RPN2: variants seen among roughly 807,000 people sequenced by gnomAD.
The protein encoded by RPN2 is ribophorin II, also known as dolichyl-diphosphooligosaccharide--protein glycosyltransferase subunit 2.
Under a neutral mutation model 71.4 loss-of-function variants are expected in RPN2, and 29 were observed. That is an observed-to-expected ratio of 0.41 (90% CI 0.30 to 0.55). RPN2 has a LOEUF of 0.55. Ranked by LOEUF, RPN2 falls within the 20% of genes least tolerant of loss-of-function variation. RPN2 has a pLI of 0.35. For synonymous variants in RPN2, 308 were observed against 305.0 expected (o/e 1.01, Z -0.10); for missense variants, 726 against 774.1 (o/e 0.94, Z 0.74).
At chr20:37,236,313 GA>G (rs2068389958) in intron 15 of RPN2, among the ~76,000 whole-genome samples, 1 of 151,894 alleles carries the variant, frequency 6.6e-6, no homozygotes, top group African/African-American at 2.4e-5. Flanking sequence ...GGGTGGTCTC[GA>G]ACTCCTGAGC....
chr20:37,212,285 A>G, intron 8 of RPN2, among the ~76,000 whole-genome samples: 1 of 152,000 alleles, frequency 6.6e-6, no homozygotes, highest in Non-Finnish European at 1.5e-5. Context: ...TCTCAAAAAC[A>G]AAAACAAAAA....
chr20:37,233,911 A>G, intron 14 of RPN2, 109 bp from the exon 15 acceptor site: 1 of 1,201,522 alleles, frequency 8.3e-7, no homozygotes, highest in South Asian at 1.3e-5. Flanking sequence ...TCTAGGATGC[A>G]TGAACTTTGA....
At position 37,230,723 on chromosome 20, in the gene RPN2, T is replaced by C. The variant is rs558207354; in HGVS notation, c.1581+664T>C. The stretch of plus-strand genomic sequence containing the variant: ...GTTGAAGTGTCAAAAACAGACTACC[T>C]GCTGTCATTCCACTTTAAAAAACAA... On this transcript the variant is annotated intron_variant, in intron 13 of 16. Transcript: ENST00000237530. Among the ~76,000 whole-genome samples, 7 of 152,286 alleles carry C rather than the reference T, an allele frequency of 4.6e-5. No homozygotes were observed. In the South Asian group the frequency reaches 1.5e-3, roughly 32 times the overall value.
intron 1 of RPN2, among the ~76,000 whole-genome samples, chr20:37,181,936 C>T (rs572222091): frequency 6.6e-6 from 1 of 151,966 alleles, no homozygotes; most frequent in Non-Finnish European, 1.5e-5. Flanking sequence ...TGTCTTTTGT[C>T]ACTAGAATAG....
At chr20:37,217,828 G>T (rs900293763) in intron 9 of RPN2, among the ~76,000 whole-genome samples, 2 of 151,068 alleles carry the variant, frequency 1.3e-5, no homozygotes, top group African/African-American at 4.9e-5. Context: ...CCACCTCCCG[G>T]GTTCAAGTGA....
chr20:37,236,706 A>G lies in RPN2; in HGVS notation c.1880A>G (p.Lys627Arg). 1 of 1,614,120 alleles carries G rather than the reference A, an allele frequency of 6.2e-7. No individual in the cohort carries two copies. The highest frequency in any genetic ancestry group is 1.1e-5 in the South Asian group (1 of 91,088). The change falls in exon 16 of 17, where the codon AAG becomes AGG. Residue 627 changes from lysine (K) to arginine (R), a missense_variant. Physicochemically the swap from Lys to Arg is conservative, Grantham distance 26. Transcript: ENST00000237530. ...CGGATGCTGGCCCAGCAGGCAGTCA[A>G]GAGGTAAGGCCAGACATGAGCCAGG... ...GNRMLAQQAV[K>R]RTAH
intron 9 of RPN2, 23 bp downstream of exon 9, chr20:37,213,888 C>T (rs762443351): frequency 3.5e-5 from 54 of 1,542,194 alleles, no homozygotes; most frequent in Non-Finnish European, 3.6e-6. Flanking sequence ...CTTTCCTTCC[C>T]ATTGCCATGT....
intron 2 of RPN2, among the ~76,000 whole-genome samples, chr20:37,193,478 C>A (rs1012169546): frequency 9.2e-5 from 14 of 152,092 alleles, no homozygotes; most frequent in Non-Finnish European, 1.8e-4. Flanking sequence ...TGGGGCCAAG[C>A]CATAGTGCCT....
At chr20:37,208,049 A>G (rs2067557819) in intron 7 of RPN2, among the ~76,000 whole-genome samples, 1 of 152,044 alleles carries the variant, frequency 6.6e-6, no homozygotes, top group Non-Finnish European at 1.5e-5. Context: ...AAGCAGGCGG[A>G]TCATGAGGTG....
intron 8 of RPN2, among the ~76,000 whole-genome samples, chr20:37,211,119 C>G (rs1205519555): frequency 2.0e-5 from 3 of 151,786 alleles, no homozygotes; most frequent in Non-Finnish European, 4.4e-5. Flanking sequence ...ACTGCAACCT[C>G]CACCTCCCGG....
At chr20:37,185,827 C>T (rs1029599262) in intron 2 of RPN2, among the ~76,000 whole-genome samples, 5 of 152,232 alleles carry the variant, frequency 3.3e-5, no homozygotes, top group African/African-American at 1.2e-4. Flanking sequence ...GAAGTCTAGA[C>T]AGGCTTGCCT....
chr20:37,180,790 G>A (rs1466241541), intron 1 of RPN2, among the ~76,000 whole-genome samples: 1 of 152,128 alleles, frequency 6.6e-6, no homozygotes, highest in African/African-American at 2.4e-5. Flanking sequence ...ATCATCTTCT[G>A]GCTTGGATTA....
In RPN2 at chr20:37,229,934, C is replaced by T. The variant is rs144864333; in HGVS notation, c.1495-39C>T. ...TATCTATTGAGTTTCACCCACTTCT[C>T]TGCCCCTGTGCTTTTACAGACTGTC... On this transcript the variant is annotated intron_variant, in intron 12 of 16. Coordinates refer to ENST00000237530, the MANE Select transcript of RPN2 (RefSeq NM_002951.5). The T allele has an allele frequency of 4.2e-3, 6,195 of 1,464,340 alleles. 18 individuals are homozygous for T. Among genetic ancestry groups the T allele is most frequent in the Non-Finnish European group, 5.1e-3 (5,333 of 1,043,484 alleles). 90.7% of individuals were successfully genotyped at this position (1,464,340 alleles called of 1,614,324 possible).
At chr20:37,189,117 T>C (rs1014226845) in intron 2 of RPN2, among the ~76,000 whole-genome samples, 3 of 152,052 alleles carry the variant, frequency 2.0e-5, no homozygotes, top group African/African-American at 7.3e-5. Flanking sequence ...TGTTTTTTGG[T>C]AGTGACAGGA....
intron 9 of RPN2, among the ~76,000 whole-genome samples, chr20:37,220,778 C>T (rs931307348): frequency 1.3e-5 from 2 of 152,134 alleles, no homozygotes; most frequent in Non-Finnish European, 2.9e-5. Flanking sequence ...TCTAAATTTG[C>T]TTTAAAAGAG....
intron 2 of RPN2, among the ~76,000 whole-genome samples, chr20:37,186,769 G>A: frequency 6.6e-6 from 1 of 152,172 alleles, no homozygotes; most frequent in East Asian, 1.9e-4. Context: ...TCTTTTCACC[G>A]ATAATAGTTC....
intron 12 of RPN2, 26 bp downstream of exon 12, chr20:37,228,770 C>G: frequency 6.2e-7 from 1 of 1,610,760 alleles, no homozygotes. Context: ...TACCCCGACC[C>G]AGGTGAGAGT....
At chr20:37,201,452 A>G (rs187575857) in intron 4 of RPN2, among the ~76,000 whole-genome samples, 147 of 152,044 alleles carry the variant, frequency 9.7e-4, no homozygotes, top group African/African-American at 2.5e-3. Flanking sequence ...ACCCAGCCAT[A>G]AGCTTTACTT....
Position 37,225,671 on chromosome 20 carries a change from C to G in RPN2, c.1185-17C>G, listed in dbSNP as rs375652167. ...TACTGATCCTCTCTGAAGACTAACTCTATATGCCTCTTTCAGGGTGACATA... is the reference window on the plus strand; with the variant it reads ...TACTGATCCTCTCTGAAGACTAACTGTATATGCCTCTTTCAGGGTGACATA... On this transcript the variant is annotated splice_polypyrimidine_tract_variant and intron_variant, in intron 10 of 16. Coordinates refer to ENST00000237530, the MANE Select transcript of RPN2 (RefSeq NM_002951.5). 1 of 1,547,240 alleles carries G rather than the reference C, an allele frequency of 6.5e-7. No homozygotes were observed. Among genetic ancestry groups the G allele is most frequent in the Non-Finnish European group, 8.9e-7 (1 of 1,118,884 alleles).
Sources: gnomAD v4.1 joint callset for allele counts (sites outside exome capture counted in the v4.1 genomes callset) on GRCh38, gnomAD v4.1.1 for gene constraint, MANE v1.5 for transcripts, NCBI Gene and HGNC (gene_info 2026-07-23, HGNC 2026-07-21) for gene names.